Variants in PLCB1 observed in about 807,000 individuals in gnomAD.
PLCB1 encodes 1-phosphatidylinositol 4,5-bisphosphate phosphodiesterase beta-1.
PLCB1 carries 46 observed loss-of-function variants against 161.8 expected under a neutral mutation model. That is an observed-to-expected ratio of 0.28 (90% confidence interval 0.22 to 0.36). The LOEUF (loss-of-function observed/expected upper bound fraction) is 0.36, where lower values mean the gene tolerates loss of function less well. PLCB1 is among the 10% of genes least tolerant of loss of function. The pLI, the probability that PLCB1 is intolerant of heterozygous loss-of-function variation, is 1.00. For missense variants in PLCB1, 1,016 were observed against 1,472.5 expected (o/e 0.69, Z 5.07); for synonymous variants, 517 against 503.7 (o/e 1.03, Z -0.35).
At chr20:8,265,136 C>T (rs373539432) in intron 2 of PLCB1, among the ~76,000 whole-genome samples, 25 of 152,260 alleles carry the variant, frequency 1.6e-4, no homozygotes, top group African/African-American at 6.0e-4. Context: ...TATTCTTGGA[C>T]TTAATCCTAC....
At chr20:8,716,004 A>ATGACATGC (rs1979289545) in intron 12 of PLCB1, 1 of 386,118 alleles carries the variant, frequency 2.6e-6, no homozygotes, top group Admixed American at 4.1e-5. Context: ...GTTACAGCAA[A>ATGACATGC]TGACATGCTG....
chr20:8,587,512 A>G (rs1057188248), intron 3 of PLCB1, among the ~76,000 whole-genome samples: 3 of 152,220 alleles, frequency 2.0e-5, no homozygotes, highest in Admixed American at 6.5e-5. Context: ...AAAACAGGAA[A>G]GCAGATGCGA....
At chr20:8,145,339 T>C (rs1036891386) in intron 1 of PLCB1, among the ~76,000 whole-genome samples, 1 of 152,178 alleles carries the variant, frequency 6.6e-6, no homozygotes, top group African/African-American at 2.4e-5. Flanking sequence ...AAGGCCTCCT[T>C]TTAACTTAAT....
chr20:8,404,068 T>A lies in PLCB1; in HGVS notation c.246+32618T>A, dbSNP rs150144497. 4.9e-4 allele frequency among the ~76,000 whole-genome samples: 74 copies of A among 152,346 alleles called. No individual in the cohort carries two copies. The Middle Eastern group carries it at 0.027, about 56-fold the overall frequency. On this transcript the variant is annotated intron_variant, in intron 3 of 31. Transcript: ENST00000338037. Reference sequence around the variant, plus strand: ...AGACAGAAATTGTGGCTTTTATCTATTTTTATTAAGTAAAATTGTGACTGA... The same window carrying A: ...AGACAGAAATTGTGGCTTTTATCTAATTTTATTAAGTAAAATTGTGACTGA...
At chr20:8,809,091 A>G (rs1984684181) in intron 31 of PLCB1, among the ~76,000 whole-genome samples, 1 of 151,992 alleles carries the variant, frequency 6.6e-6, no homozygotes, top group African/African-American at 2.4e-5. Flanking sequence ...CAATTTCCCG[A>G]GGTCAGTTCA....
At chr20:8,192,279 G>A (rs912311353) in intron 2 of PLCB1, among the ~76,000 whole-genome samples, 14 of 151,938 alleles carry the variant, frequency 9.2e-5, no homozygotes, top group Non-Finnish European at 4.4e-5. Context: ...TTTACAGCCT[G>A]TGTTTCAAAG....
At chr20:8,171,320 GTAAGCTTCAAATTGGAATTTGAGGGAAA>G (rs1568577234) in intron 2 of PLCB1, among the ~76,000 whole-genome samples, 1 of 152,016 alleles carries the variant, frequency 6.6e-6, no homozygotes, top group Non-Finnish European at 1.5e-5. Context: ...TGCCTAAGAG[GTAAGCTTCAAATTGGAATTTGAGGGAAA>G]TAAGCTTCAA....
chr20:8,750,007 T>G (rs1459088648), intron 23 of PLCB1, among the ~76,000 whole-genome samples: 1 of 152,186 alleles, frequency 6.6e-6, no homozygotes, highest in African/African-American at 2.4e-5. Context: ...ATGGCCATTA[T>G]ATATGTAATG....
intron 2 of PLCB1, among the ~76,000 whole-genome samples, chr20:8,264,144 T>C (rs1032263176): frequency 2.0e-5 from 3 of 152,216 alleles, no homozygotes. Context: ...TTTTAAATAT[T>C]TAGTTTTTAC....
intron 3 of PLCB1, among the ~76,000 whole-genome samples, chr20:8,542,912 A>G (rs1985389603): frequency 6.6e-6 from 1 of 152,204 alleles, no homozygotes; most frequent in South Asian, 2.1e-4. Context: ...TCATTCACTC[A>G]TGTATTCATT....
intron 3 of PLCB1, 142 bp downstream of exon 3, chr20:8,371,592 C>T (rs1175469508): frequency 3.9e-6 from 2 of 515,472 alleles, no homozygotes; most frequent in Non-Finnish European, 6.9e-6. Context: ...TAAACACTTT[C>T]ACTTTTATTA....
intron 1 of PLCB1, among the ~76,000 whole-genome samples, chr20:8,135,930 G>A (rs1281304643): frequency 4.6e-5 from 7 of 152,112 alleles, no homozygotes; most frequent in East Asian, 1.9e-4. Flanking sequence ...TTGGGAGATT[G>A]TGAGAGAAGC....
intron 3 of PLCB1, among the ~76,000 whole-genome samples, chr20:8,484,895 G>A (rs6108141): frequency 0.022 from 3,293 of 152,278 alleles, 44 homozygotes; most frequent in Middle Eastern, 0.031. Flanking sequence ...CCCCAGTTGT[G>A]CATGTGGGTA....
At chr20:8,681,867 T>C (rs899018963) in intron 9 of PLCB1, among the ~76,000 whole-genome samples, 3 of 152,198 alleles carry the variant, frequency 2.0e-5, no homozygotes, top group Non-Finnish European at 4.4e-5. Flanking sequence ...CAAAACAATT[T>C]ATTTTCTATT....
At chr20:8,297,767 G>T (rs530225728) in intron 2 of PLCB1, among the ~76,000 whole-genome samples, 1 of 152,230 alleles carries the variant, frequency 6.6e-6, no homozygotes, top group South Asian at 2.1e-4. Flanking sequence ...CATTTGGTCA[G>T]TCAAGAGCTA....
chr20:8,800,288 C>T (rs908694804), intron 31 of PLCB1, among the ~76,000 whole-genome samples: 2 of 152,184 alleles, frequency 1.3e-5, no homozygotes, highest in African/African-American at 4.8e-5. Flanking sequence ...AGCAAATTCA[C>T]CACTTGGAGT....
intron 3 of PLCB1, among the ~76,000 whole-genome samples, chr20:8,484,874 A>T (rs1830473632): frequency 6.6e-6 from 1 of 152,178 alleles, no homozygotes; most frequent in African/African-American, 2.4e-5. Flanking sequence ...GAGTTTGCTC[A>T]CTGCTATATC....
At chr20:8,495,453 A>G (rs181424360) in intron 3 of PLCB1, among the ~76,000 whole-genome samples, 1,716 of 134,462 alleles carry the variant, frequency 0.013, 17 homozygotes, top group South Asian at 0.029. Context: ...GATGGGGTGC[A>G]GTGGTGCCAT....
chr20:8,357,344 C>G (rs1986393336), intron 2 of PLCB1, among the ~76,000 whole-genome samples: 1 of 152,110 alleles, frequency 6.6e-6, no homozygotes, highest in Non-Finnish European at 1.5e-5. Flanking sequence ...TGATATTAAC[C>G]AATAATGTGT....
Sources: allele counts gnomAD v4.1 joint callset (sites outside exome capture counted in the v4.1 genomes callset), GRCh38; gene constraint gnomAD v4.1.1; transcripts MANE v1.5; gene names NCBI Gene and HGNC (gene_info 2026-07-23, HGNC 2026-07-21).